The following ZFHX3 variants were observed in gnomAD, a reference collection of about 807,000 sequenced individuals.
ZFHX3 encodes the protein zinc finger homeobox protein 3.
In ZFHX3, 42 loss-of-function variants were observed where a neutral mutation model predicts 279.1. The ratio of observed to expected loss-of-function variants is 0.15; its 90% CI spans 0.12 to 0.19. The LOEUF (loss-of-function observed/expected upper bound fraction) is 0.19. Ranked by LOEUF, ZFHX3 falls within the 10% of genes least tolerant of loss-of-function variation. The pLI, the probability that ZFHX3 is intolerant of heterozygous loss-of-function variation, is 1.00. For missense variants in ZFHX3, 4,981 were observed against 4,754.0 expected (o/e 1.05, Z -1.40); for synonymous variants, 2,293 against 1,957.8 (o/e 1.17, Z -4.52).
intron 1 of ZFHX3, among the ~76,000 whole-genome samples, chr16:73,869,136 C>T (rs1166009789): frequency 6.6e-6 from 1 of 152,178 alleles, no homozygotes; most frequent in East Asian, 1.9e-4. Flanking sequence ...CTTTTAAAAA[C>T]CTTATCCTGG....
At chr16:73,231,679 G>C (rs758375797) in intron 5 of ZFHX3, among the ~76,000 whole-genome samples, 1 of 152,110 alleles carries the variant, frequency 6.6e-6, no homozygotes, top group Admixed American at 6.5e-5. Flanking sequence ...CTAAGTCTAC[G>C]CCACTTCTCC....
intron 3 of ZFHX3, among the ~76,000 whole-genome samples, chr16:72,904,113 C>T (rs1340975975): frequency 1.3e-5 from 2 of 152,188 alleles, no homozygotes; most frequent in African/African-American, 4.8e-5. Context: ...CGCCTATAAT[C>T]CTAGCACTGT....
chr16:73,024,010 G>A (rs932643622), intron 1 of ZFHX3, among the ~76,000 whole-genome samples: 2 of 152,108 alleles, frequency 1.3e-5, no homozygotes, highest in South Asian at 2.1e-4. Flanking sequence ...AACAAGGCAC[G>A]TGCAGTATTA....
At chr16:73,197,637 C>G (rs1968177700) in intron 5 of ZFHX3, among the ~76,000 whole-genome samples, 1 of 152,150 alleles carries the variant, frequency 6.6e-6, no homozygotes, top group Non-Finnish European at 1.5e-5. Flanking sequence ...TGTATTTCTA[C>G]TAAACATGAT....
intron 2 of ZFHX3, among the ~76,000 whole-genome samples, chr16:73,672,324 A>C (rs2142186157): frequency 6.6e-6 from 1 of 152,304 alleles, no homozygotes. Context: ...ATTAACCCTT[A>C]AATGAAATCA....
chr16:73,081,255 CT>C (rs11306608), intron 8 of ZFHX3: 99,782 of 139,696 alleles, frequency 0.71, 37,435 homozygotes, highest in East Asian at 0.91. Flanking sequence ...TTCTTTCTTT[CT>C]TTTTTTTTTT....
intron 4 of ZFHX3, among the ~76,000 whole-genome samples, chr16:72,845,140 C>T (rs529840730): frequency 4.6e-5 from 7 of 152,148 alleles, no homozygotes; most frequent in Middle Eastern, 3.4e-3. Context: ...CAGCTCCAAG[C>T]GGGGGAAACA....
Position 72,831,737 on chromosome 16 carries a change from G to A in ZFHX3, c.3449-1878C>T, listed in dbSNP as rs72793295. Among the ~76,000 whole-genome samples, 274 of 152,172 alleles carry A rather than the reference G, an allele frequency of 1.8e-3. 1 individual carries two copies. Among genetic ancestry groups the A allele is most frequent in the Non-Finnish European group, 3.3e-3 (225 of 68,014 alleles). ...TCTTTGAATGGTGATACCAGCGTGC[G>A]GTCAATGAATATTATTGCATTCGGT... On this transcript the variant is annotated intron_variant, in intron 4 of 9. Coordinates refer to ENST00000268489, the MANE Select transcript of ZFHX3 (RefSeq NM_006885.4).
chr16:73,136,386 C>T (rs1966792900), intron 6 of ZFHX3, among the ~76,000 whole-genome samples: 1 of 152,098 alleles, frequency 6.6e-6, no homozygotes, highest in African/African-American at 2.4e-5. Flanking sequence ...TCATTCTAAA[C>T]TATCTATTAG....
At chr16:73,615,426 T>A (rs1211914877) in intron 2 of ZFHX3, among the ~76,000 whole-genome samples, 1 of 152,182 alleles carries the variant, frequency 6.6e-6, no homozygotes, top group Non-Finnish European at 1.5e-5. Flanking sequence ...AAACCAGTCC[T>A]TTGCAACTTT....
chr16:73,311,463 G>A (rs529429511), intron 4 of ZFHX3, among the ~76,000 whole-genome samples: 91 of 128,988 alleles, frequency 7.1e-4, no homozygotes, highest in African/African-American at 2.4e-3. Context: ...GGTGGCAGAC[G>A]CTTGTAATCC....
intron 7 of ZFHX3, among the ~76,000 whole-genome samples, chr16:73,101,304 T>C (rs1169306608): frequency 6.6e-6 from 1 of 152,232 alleles, no homozygotes; most frequent in East Asian, 1.9e-4. Flanking sequence ...TAAGGTGGGC[T>C]TCAGACTCCT....
At chr16:73,492,596 A>G (rs1001728744) in intron 2 of ZFHX3, among the ~76,000 whole-genome samples, 2 of 152,090 alleles carry the variant, frequency 1.3e-5, no homozygotes, top group Admixed American at 6.5e-5. Flanking sequence ...ACCTCTTGAA[A>G]CCACAGATGT....
At chr16:73,780,831 T>A (rs984613797) in intron 1 of ZFHX3, among the ~76,000 whole-genome samples, 1 of 152,214 alleles carries the variant, frequency 6.6e-6, no homozygotes, top group African/African-American at 2.4e-5. Flanking sequence ...AGTGGATATA[T>A]GTGCAGAGTG....
At chr16:73,568,714 GC>G (rs1168684115) in intron 2 of ZFHX3, among the ~76,000 whole-genome samples, 3 of 152,132 alleles carry the variant, frequency 2.0e-5, no homozygotes, top group Admixed American at 6.5e-5. Context: ...CATGGAGCTG[GC>G]CCCCCTCTAG....
chr16:72,963,250 C>G (rs1416609923), intron 1 of ZFHX3, among the ~76,000 whole-genome samples: 1 of 152,154 alleles, frequency 6.6e-6, no homozygotes, highest in Non-Finnish European at 1.5e-5. Context: ...CCAGGGCTAG[C>G]TGGTACAGGT....
chr16:73,043,371 A>C (rs764131232), intron 1 of ZFHX3, among the ~76,000 whole-genome samples: 1 of 152,184 alleles, frequency 6.6e-6, no homozygotes, highest in Non-Finnish European at 1.5e-5. Context: ...GCTGGAGTTA[A>C]AACCAACAAA....
intron 1 of ZFHX3, among the ~76,000 whole-genome samples, chr16:73,751,452 T>C (rs904359862): frequency 1.3e-5 from 2 of 152,198 alleles, no homozygotes; most frequent in Non-Finnish European, 2.9e-5. Context: ...TTCTCGATCA[T>C]TGGACAACAT....
chr16:73,691,185 GT>G (rs1381852976), intron 1 of ZFHX3, among the ~76,000 whole-genome samples: 1 of 152,106 alleles, frequency 6.6e-6, no homozygotes, highest in African/African-American at 2.4e-5. Context: ...CAAAACAAGT[GT>G]TTTCTAAAGA....
Sources: allele counts gnomAD v4.1 joint callset (sites outside exome capture counted in the v4.1 genomes callset), GRCh38; gene constraint gnomAD v4.1.1; transcripts MANE v1.5; gene names NCBI Gene and HGNC (gene_info 2026-07-23, HGNC 2026-07-21).